Variants in PPP6R3 observed in about 807,000 individuals in gnomAD.
PPP6R3 encodes serine/threonine-protein phosphatase 6 regulatory subunit 3.
PPP6R3 carries 38 observed loss-of-function variants against 110.7 expected under a neutral mutation model. The ratio of observed to expected loss-of-function variants is 0.34; its 90% CI spans 0.26 to 0.45. PPP6R3 has a LOEUF of 0.45. Among genes scored for constraint, PPP6R3 ranks in the 20% least tolerant of loss-of-function variants. The probability of loss-of-function intolerance (pLI) is 1.00; values close to 1 mark genes in which losing one functional copy is unlikely to be tolerated. For synonymous variants in PPP6R3, 369 were observed against 373.5 expected (o/e 0.99, Z 0.14); for missense variants, 870 against 1,062.4 (o/e 0.82, Z 2.52).
chr11:68,473,254 TC>T (rs1381916044), intron 1 of PPP6R3, among the ~76,000 whole-genome samples: 1 of 152,132 alleles, frequency 6.6e-6, no homozygotes, highest in Non-Finnish European at 1.5e-5. Flanking sequence ...ATTGAATTGA[TC>T]AACTGCCAAT....
chr11:68,553,983 C>T (rs531252091), intron 6 of PPP6R3, among the ~76,000 whole-genome samples, 162 bp from the exon 7 acceptor site: 13 of 152,302 alleles, frequency 8.5e-5, no homozygotes, highest in African/African-American at 3.1e-4. Flanking sequence ...TGACAAAATA[C>T]AATACTTGTG....
intron 15 of PPP6R3, among the ~76,000 whole-genome samples, chr11:68,585,939 G>A (rs942899509): frequency 5.9e-5 from 9 of 152,004 alleles, no homozygotes; most frequent in African/African-American, 2.2e-4. Context: ...TTACACCCAG[G>A]AGAATCACAT....
chr11:68,548,910 G>A (rs1377949715), intron 5 of PPP6R3, among the ~76,000 whole-genome samples: 1 of 151,886 alleles, frequency 6.6e-6, no homozygotes, highest in Non-Finnish European at 1.5e-5. Context: ...TCTTTTTTGA[G>A]TTGGGAGTCT....
chr11:68,571,730 G>A (rs1449694418), intron 12 of PPP6R3, among the ~76,000 whole-genome samples: 4 of 152,164 alleles, frequency 2.6e-5, no homozygotes, highest in Non-Finnish European at 4.4e-5. Context: ...GCATAAGGGC[G>A]TGTTTGGGAA....
intron 1 of PPP6R3, among the ~76,000 whole-genome samples, chr11:68,514,675 C>G (rs2153549770): frequency 6.6e-6 from 1 of 151,100 alleles, no homozygotes; most frequent in East Asian, 2.0e-4. Flanking sequence ...ACTTCTGTCT[C>G]CCAGGTTCAA....
rs61387988 is a variant in PPP6R3, at chr11:68,557,164, T to A, written c.732-1402T>A. Among the ~76,000 whole-genome samples the A allele has an allele frequency of 9.0e-3, 1,370 of 152,362 alleles. 20 individuals are homozygous for A. The highest frequency in any genetic ancestry group is 0.032 in the African/African-American group (1,313 of 41,578). ...GATAGTTTGTTTTCCAGAGCTTGGT[T>A]CCAGACCTAATAGTTAGTGTATAGA... On this transcript the variant is annotated intron_variant, in intron 7 of 23. Coordinates refer to ENST00000393800, the MANE Select transcript of PPP6R3 (RefSeq NM_001164161.2).
intron 2 of PPP6R3, among the ~76,000 whole-genome samples, chr11:68,520,019 T>C (rs980423584): frequency 5.9e-5 from 9 of 152,238 alleles, no homozygotes; most frequent in African/African-American, 1.2e-4. Context: ...TTTTGTTTTA[T>C]ACCAGCGAAA....
intron 16 of PPP6R3, among the ~76,000 whole-genome samples, chr11:68,589,132 T>G (rs1006380541): frequency 2.0e-5 from 3 of 151,910 alleles, no homozygotes; most frequent in African/African-American, 4.8e-5. Flanking sequence ...TCACTTGAAC[T>G]TGGGAGGCAG....
intron 1 of PPP6R3, among the ~76,000 whole-genome samples, chr11:68,496,313 C>T (rs1327388789): frequency 1.3e-5 from 2 of 151,976 alleles, no homozygotes; most frequent in African/African-American, 2.4e-5. Context: ...AGGTGTGAGC[C>T]ACCATGCCCA....
At chr11:68,524,017 A>G (rs1048066787) in intron 2 of PPP6R3, among the ~76,000 whole-genome samples, 1 of 152,108 alleles carries the variant, frequency 6.6e-6, no homozygotes, top group African/African-American at 2.4e-5. Context: ...GTAGCCATGT[A>G]TTGTACCTTT....
At chr11:68,488,916 G>A (rs1402980823) in intron 1 of PPP6R3, 2 of 152,048 alleles carry the variant, frequency 1.3e-5, no homozygotes, top group African/African-American at 4.8e-5. Context: ...GATACATTCT[G>A]AAAATTGCTC....
intron 3 of PPP6R3, among the ~76,000 whole-genome samples, chr11:68,542,315 G>A (rs1172055283): frequency 1.3e-5 from 2 of 151,552 alleles, no homozygotes; most frequent in Non-Finnish European, 2.9e-5. Flanking sequence ...AGGAAGCGAG[G>A]TCAGAGCCTA....
chr11:68,488,181 T>C (rs2098960374), intron 1 of PPP6R3, among the ~76,000 whole-genome samples: 1 of 152,358 alleles, frequency 6.6e-6, no homozygotes. Context: ...ACAGCTACTC[T>C]TGTTAACTTT....
At chr11:68,530,119 G>GT (rs1226437066) in intron 2 of PPP6R3, among the ~76,000 whole-genome samples, 1 of 152,168 alleles carries the variant, frequency 6.6e-6, no homozygotes, top group Non-Finnish European at 1.5e-5. Context: ...GTCATTAGTT[G>GT]TTTTTTACTT....
intron 1 of PPP6R3, among the ~76,000 whole-genome samples, chr11:68,469,659 G>A (rs1565217821): frequency 6.6e-6 from 1 of 151,968 alleles, no homozygotes; most frequent in Non-Finnish European, 1.5e-5. Context: ...GATAACAGGT[G>A]TGAACTACCA....
At chr11:68,587,000 A>G (rs2099580649) in intron 15 of PPP6R3, 1 of 152,252 alleles carries the variant, frequency 6.6e-6, no homozygotes, top group Non-Finnish European at 1.5e-5. Flanking sequence ...ATCTGTATGC[A>G]GCTCTGGTCA....
intron 1 of PPP6R3, among the ~76,000 whole-genome samples, chr11:68,476,609 T>C (rs937064241): frequency 2.6e-4 from 40 of 152,388 alleles, no homozygotes; most frequent in African/African-American, 9.4e-4. Context: ...AGCTATATGC[T>C]ATAAGTTTTG....
chr11:68,573,126 A>T (rs1393043303), intron 12 of PPP6R3, among the ~76,000 whole-genome samples: 2 of 73,598 alleles, frequency 2.7e-5, no homozygotes, highest in East Asian at 7.9e-4. Flanking sequence ...ATATATATAT[A>T]TATATATATA....
intron 2 of PPP6R3, among the ~76,000 whole-genome samples, chr11:68,528,162 C>CT (rs983123086): frequency 3.3e-5 from 5 of 152,060 alleles, no homozygotes; most frequent in African/African-American, 1.2e-4. Flanking sequence ...CATATTAATA[C>CT]TTTAATACCT....
Sources: allele counts gnomAD v4.1 joint callset (sites outside exome capture counted in the v4.1 genomes callset), GRCh38; gene constraint gnomAD v4.1.1; transcripts MANE v1.5; gene names NCBI Gene and HGNC (gene_info 2026-07-23, HGNC 2026-07-21).